Variants in MYEF2 observed in about 807,000 individuals in gnomAD.
The protein encoded by MYEF2 is myelin expression factor 2.
A neutral mutation model predicts 75.2 loss-of-function variants in MYEF2; 37 were observed. The ratio of observed to expected loss-of-function variants is 0.49; its 90% CI spans 0.38 to 0.65. The LOEUF (loss-of-function observed/expected upper bound fraction) is 0.65. Among genes scored for constraint, MYEF2 ranks in the 30% least tolerant of loss-of-function variants. The probability of loss-of-function intolerance (pLI) is 0.00; values close to 1 mark genes in which losing one functional copy is unlikely to be tolerated. For synonymous variants in MYEF2, 195 were observed against 241.6 expected (o/e 0.81, Z 1.79); for missense variants, 634 against 771.4 (o/e 0.82, Z 2.11).
In MYEF2 at chr15:48,137,716, T is replaced by C. The variant is rs1465520675; in HGVS notation, c.*5192A>G. ...CAGAAAAAGGAACAAAGACACCTCC[T>C]ATGTTTTAATCTTGACTGAGAAAAT... On this transcript the variant is annotated 3_prime_UTR_variant, in exon 17 of 17. Coordinates refer to ENST00000324324, the MANE Select transcript of MYEF2 (RefSeq NM_016132.5). The C allele has an allele frequency of 6.6e-6, 1 of 152,122 alleles. No homozygotes were observed. Among genetic ancestry groups the C allele is most frequent in the Non-Finnish European group, 1.5e-5 (1 of 68,030 alleles). The allele number at this position is 152,122 out of a possible 1,614,324, so 9.4% of individuals were successfully genotyped here.
At chr15:48,158,722 A>G (rs1597325743) in intron 7 of MYEF2, 47 bp downstream of exon 7, 1 of 1,608,090 alleles carries the variant, frequency 6.2e-7, no homozygotes, top group South Asian at 1.1e-5. Context: ...AGGTGGTATT[A>G]TGCTTCTTCA....
Position 48,142,726 on chromosome 15 carries a change from C to A in MYEF2, c.*182G>T, listed in dbSNP as rs2039131795. The A allele has an allele frequency of 1.7e-6, 1 of 584,596 alleles. No individual in the cohort carries two copies. The highest frequency in any genetic ancestry group is 3.2e-5 in the South Asian group (1 of 30,818). The allele number at this position is 584,596 out of a possible 1,614,324, so 36.2% of individuals were successfully genotyped here. On this transcript the variant is annotated 3_prime_UTR_variant, in exon 17 of 17. Transcript: ENST00000324324. ...TGACCAGACTTGCTGTCTTTAAAAACCCAAACTTGAGATTAACAAAAATTA... is the reference window on the plus strand; with the variant it reads ...TGACCAGACTTGCTGTCTTTAAAAAACCAAACTTGAGATTAACAAAAATTA...
intron 6 of MYEF2, 28 bp downstream of exon 6, chr15:48,159,585 C>T: frequency 6.3e-7 from 1 of 1,594,504 alleles, no homozygotes. Flanking sequence ...ATCTGAATGA[C>T]AAATTTTAGA....
intron 9 of MYEF2, among the ~76,000 whole-genome samples, chr15:48,156,977 C>T (rs879904557): frequency 1.3e-5 from 2 of 151,970 alleles, no homozygotes; most frequent in Non-Finnish European, 2.9e-5. Flanking sequence ...GATGGGGAAG[C>T]TCCATTTTAC....
intron 1 of MYEF2, among the ~76,000 whole-genome samples, chr15:48,175,514 C>T (rs964482772): frequency 2.0e-5 from 3 of 152,062 alleles, no homozygotes; most frequent in African/African-American, 7.2e-5. Flanking sequence ...CGTTAATTAG[C>T]GTGATTGTGG....
At chr15:48,172,291 T>C (rs1481573211) in intron 1 of MYEF2, among the ~76,000 whole-genome samples, 1 of 151,720 alleles carries the variant, frequency 6.6e-6, no homozygotes, top group Non-Finnish European at 1.5e-5. Context: ...TCCCAGCTGC[T>C]TGGGAGGCTG....
At chr15:48,174,577 G>C (rs1161698270) in intron 1 of MYEF2, among the ~76,000 whole-genome samples, 1 of 151,924 alleles carries the variant, frequency 6.6e-6, no homozygotes, top group Non-Finnish European at 1.5e-5. Context: ...TATCAAAAAT[G>C]TATAAGGAAC....
chr15:48,151,677 A>C (rs1232924537), intron 12 of MYEF2, 106 bp from the exon 13 acceptor site: 1 of 1,253,910 alleles, frequency 8.0e-7, no homozygotes, highest in African/African-American at 1.5e-5. Context: ...TCACAAATAT[A>C]AAATAGTCTG....
intron 16 of MYEF2, among the ~76,000 whole-genome samples, chr15:48,145,643 G>T (rs894076366): frequency 2.0e-5 from 3 of 151,652 alleles, no homozygotes; most frequent in African/African-American, 7.3e-5. Context: ...GTATATTTTG[G>T]GATATGCCAG....
intron 9 of MYEF2, among the ~76,000 whole-genome samples, chr15:48,155,538 C>A (rs1453583367): frequency 1.3e-5 from 2 of 152,008 alleles, no homozygotes; most frequent in African/African-American, 4.8e-5. Flanking sequence ...TTAATGAACA[C>A]ATATAGATCA....
chr15:48,151,937 C>T lies in MYEF2; in HGVS notation c.1144G>A (p.Gly382Arg). Reference sequence around the variant, plus strand: ...TTCATTGCTTCCAGACCACCAAACCCTATTCCTATGGAATAAAGATTAATT... The same window carrying T: ...TTCATTGCTTCCAGACCACCAAACCTTATTCCTATGGAATAAAGATTAATT... ...GGMNRIGGGIGFGGLEAMNSM... is the reference protein window; with the variant it reads ...GGMNRIGGGIRFGGLEAMNSM... Residue 382 changes from glycine to arginine, a missense_variant, in exon 12 of 17, where the codon GGG (glycine) becomes AGG (arginine). Physicochemically the swap from Gly to Arg is moderately radical, Grantham distance 125. Transcript: ENST00000324324. The T allele has an allele frequency of 6.2e-7, 1 of 1,613,434 alleles. No homozygotes were observed. The highest frequency in any genetic ancestry group is 8.5e-7 in the Non-Finnish European group (1 of 1,179,496).
intron 9 of MYEF2, among the ~76,000 whole-genome samples, chr15:48,156,318 T>C (rs912655091): frequency 6.6e-6 from 1 of 152,108 alleles, no homozygotes; most frequent in Non-Finnish European, 1.5e-5. Context: ...AATTCAGTTA[T>C]TTGAATACTC....
chr15:48,158,786 T>C lies in MYEF2; in HGVS notation c.854A>G (p.Glu285Gly). The C allele has an allele frequency of 6.2e-7, 1 of 1,613,662 alleles. No homozygotes were observed. The highest frequency in any genetic ancestry group is 8.5e-7 in the Non-Finnish European group (1 of 1,179,674). The change falls in exon 7 of 17, where the codon GAA becomes GGA. Residue 285 changes from glutamate to glycine, a missense_variant. Physicochemically the swap from Glu to Gly is moderately conservative, Grantham distance 98. Coordinates refer to ENST00000324324, the MANE Select transcript of MYEF2 (RefSeq NM_016132.5). The part of the protein sequence containing the change: ...MGTVTFEQAI[E>G]AVQAISMFNG... Reference sequence around the variant, plus strand: ...CAGGATACAAATTGCTTGAACTGCTTCAATTGCTTGCTCAAAAGTGACAGT... The same window carrying C: ...CAGGATACAAATTGCTTGAACTGCTCCAATTGCTTGCTCAAAAGTGACAGT...
intron 2 of MYEF2, 79 bp downstream of exon 2, chr15:48,168,552 G>A: frequency 8.8e-7 from 1 of 1,134,308 alleles, no homozygotes; most frequent in Non-Finnish European, 1.3e-6. Context: ...GTGGCTCAGA[G>A]GAATAAAAAT....
intron 1 of MYEF2, among the ~76,000 whole-genome samples, chr15:48,177,581 G>A (rs972665212): frequency 6.6e-6 from 1 of 151,204 alleles, no homozygotes; most frequent in African/African-American, 2.4e-5. Context: ...ATACACTTTA[G>A]AAAACAACAA....
Position 48,142,211 on chromosome 15 carries a change from G to C in MYEF2, c.*697C>G. On this transcript the variant is annotated 3_prime_UTR_variant, in exon 17 of 17. Coordinates refer to ENST00000324324, the MANE Select transcript of MYEF2 (RefSeq NM_016132.5). ...CATTTCAATTATTTTTCTTTTTTTA[G>C]CAGTTCACTTCAATGGCTGGAAACT... The C allele has an allele frequency of 6.2e-7, 1 of 1,613,612 alleles. No homozygotes were observed. The highest frequency in any genetic ancestry group is 8.5e-7 in the Non-Finnish European group (1 of 1,179,820).
Position 48,137,011 on chromosome 15 carries a change from A to T in MYEF2, c.*5897T>A, listed in dbSNP as rs372740055. ...TATTAAGTCTATTCGCAAAGGAAAA[A>T]CTTTAAAATTTCATTTCAATTCAGC... On this transcript the variant is annotated 3_prime_UTR_variant, in exon 17 of 17. Coordinates refer to ENST00000324324, the MANE Select transcript of MYEF2 (RefSeq NM_016132.5). 11 of 1,532,126 alleles carry T rather than the reference A, an allele frequency of 7.2e-6. No individual in the cohort carries two copies. In the African/African-American group the frequency reaches 1.4e-4, roughly 19 times the overall value. The allele number at this position is 1,532,126 out of a possible 1,614,324, so 94.9% of individuals were successfully genotyped here.
rs2039816519 is a variant in MYEF2 at position 48,158,884 on chromosome 15, C to G, written c.756G>C (p.Val252=). 1.2e-6 allele frequency: 2 copies of G among 1,613,662 alleles called. No homozygotes were observed. Among genetic ancestry groups the G allele is most frequent in the Admixed American group, 1.7e-5 (1 of 59,962 alleles). ...GCTTCACAGTTCCAGCTATGCTGAA[C>G]ACTTCCTTTAGCTTCTTCCAACCAA... ...FKVGWKKLKE[V]FSIAGTVKRA... Residue 252 remains valine, a synonymous_variant, in exon 7 of 17, where the codon GTG becomes GTC. Coordinates refer to ENST00000324324, the MANE Select transcript of MYEF2 (RefSeq NM_016132.5).
chr15:48,148,125 A>C (rs1399955691), intron 16 of MYEF2, among the ~76,000 whole-genome samples: 1 of 152,044 alleles, frequency 6.6e-6, no homozygotes, highest in Non-Finnish European at 1.5e-5. Flanking sequence ...GTGACAGAAC[A>C]CTAAACCTAT....
Sources: allele counts gnomAD v4.1 joint callset (sites outside exome capture counted in the v4.1 genomes callset), GRCh38; gene constraint gnomAD v4.1.1; transcripts MANE v1.5; gene names NCBI Gene and HGNC (gene_info 2026-07-23, HGNC 2026-07-21).